UPB1: variants seen among roughly 807,000 people sequenced by gnomAD.
The protein encoded by UPB1 is beta-ureidopropionase 1.
UPB1 carries 40 observed loss-of-function variants against 49.1 expected under a neutral mutation model. The observed-to-expected ratio is 0.81, with a 90% CI of 0.63 to 1.06. The LOEUF (loss-of-function observed/expected upper bound fraction) is 1.06, where lower values mean the gene tolerates loss of function less well. UPB1 is among the 50% of genes least tolerant of loss of function. The pLI, the probability that UPB1 is intolerant of heterozygous loss-of-function variation, is 0.00. For missense variants in UPB1, 499 were observed against 505.9 expected, an observed-to-expected ratio of 0.99 and a Z score of 0.13; for synonymous variants, 207 against 198.2, an observed-to-expected ratio of 1.04 and a Z score of -0.38.
chr22:24,511,613 TATA>T (rs2044204555), intron 4 of UPB1, among the ~76,000 whole-genome samples: 2 of 96,732 alleles, frequency 2.1e-5, no homozygotes, highest in African/African-American at 3.7e-5. Context: ...TATATATATA[TATA>T]TATTTTTTTT....
In UPB1 at chr22:24,528,353, C is replaced by T. The variant is rs1418618655; in HGVS notation, c.*2559C>T. 1 of 152,208 alleles carries T rather than the reference C, an allele frequency of 6.6e-6. No homozygotes were observed. The highest frequency in any genetic ancestry group is 1.5e-5 in the Non-Finnish European group (1 of 68,056). 9.4% of individuals were successfully genotyped at this position (152,208 alleles called of 1,614,324 possible). A position where few individuals can be genotyped will look rare whatever the true frequency, so the allele number is the denominator to read the frequency against. On this transcript the variant is annotated 3_prime_UTR_variant, in exon 10 of 10. Coordinates refer to ENST00000326010, the MANE Select transcript of UPB1 (RefSeq NM_016327.3). ...AGGTCATTTCAAGGTTTAACTCATC[C>T]CTGGAACATGCAGATGCTCAGTAAA... is the stretch of plus-strand genomic sequence containing the variant.
chr22:24,518,465 A>C (rs1221522708), intron 6 of UPB1: 4 of 152,250 alleles, frequency 2.6e-5, no homozygotes, highest in Non-Finnish European at 5.9e-5. Flanking sequence ...TGGTTTATTA[A>C]GATGGTAGGA....
At chr22:24,498,274 A>G (rs76833164) in intron 1 of UPB1, among the ~76,000 whole-genome samples, 2,855 of 152,338 alleles carry the variant, frequency 0.019, 39 homozygotes, top group African/African-American at 0.029. Flanking sequence ...TGGGGCAGAC[A>G]TAAGCATTCA....
At chr22:24,516,601 G>C (rs2044298122) in intron 6 of UPB1, 2 of 152,278 alleles carry the variant, frequency 1.3e-5, no homozygotes, top group South Asian at 4.1e-4. Context: ...CAGGACAGGG[G>C]TGTGCCCTGT....
intron 3 of UPB1, among the ~76,000 whole-genome samples, chr22:24,505,913 A>G (rs1419041179): frequency 6.6e-6 from 1 of 151,340 alleles, no homozygotes; most frequent in African/African-American, 2.4e-5. Flanking sequence ...GGGTTTTGCC[A>G]TGTTGGCCAG....
chr22:24,502,596 A>G (rs1405390876), intron 3 of UPB1: 5 of 736,810 alleles, frequency 6.8e-6, no homozygotes, highest in Non-Finnish European at 1.3e-5. Flanking sequence ...ACATCCTGGT[A>G]GTATGTACCT....
In UPB1 at chr22:24,528,093, T is replaced by G. The variant is rs1283006977; in HGVS notation, c.*2299T>G. ...GAGATCACACCACTGCACTCCAGCT[T>G]GGCGACAGAGTGAGACTCCGTCTCA... On this transcript the variant is annotated 3_prime_UTR_variant, in exon 10 of 10. Transcript: ENST00000326010. The G allele has an allele frequency of 1.3e-5, 2 of 152,298 alleles. No individual in the cohort carries two copies. The highest frequency in any genetic ancestry group is 4.8e-5 in the African/African-American group (2 of 41,460). The allele number at this position is 152,298 out of a possible 1,614,324, so 9.4% of individuals were successfully genotyped here.
Position 24,502,124 on chromosome 22 carries a change from A to G in UPB1, c.277-2A>G, listed in dbSNP as rs202094164. 3.7e-6 allele frequency: 6 copies of G among 1,614,172 alleles called. No individual in the cohort carries two copies. The highest frequency in any genetic ancestry group is 5.1e-6 in the Non-Finnish European group (6 of 1,179,976). On this transcript the variant is annotated splice_acceptor_variant, in intron 2 of 9. Coordinates refer to ENST00000326010, the MANE Select transcript of UPB1 (RefSeq NM_016327.3). LOFTEE classifies it high-confidence loss of function. ...GGATTCTAATCCTTTTTAAATTCTC[A>G]GGTCTCTGCCCTTCATAGACGCATA...
At chr22:24,503,851 T>C (rs1054115259) in intron 3 of UPB1, 3 of 152,258 alleles carry the variant, frequency 2.0e-5, no homozygotes, top group African/African-American at 7.2e-5. Context: ...ATCTTTAAAC[T>C]TGTTTCCTAT....
chr22:24,505,195 C>A (rs1357817573), intron 3 of UPB1, among the ~76,000 whole-genome samples: 1 of 152,198 alleles, frequency 6.6e-6, no homozygotes, highest in Non-Finnish European at 1.5e-5. Context: ...GTTCTTGCAT[C>A]ATGGTTGCGA....
intron 3 of UPB1, among the ~76,000 whole-genome samples, chr22:24,509,809 CCAT>C (rs1283665983): frequency 6.6e-6 from 1 of 152,184 alleles, no homozygotes; most frequent in East Asian, 1.9e-4. Context: ...TGTTGTGCAA[CCAT>C]CATCACCATG....
intron 3 of UPB1, chr22:24,502,748 T>G: frequency 1.8e-6 from 1 of 548,886 alleles, no homozygotes; most frequent in South Asian, 2.5e-5. Flanking sequence ...TTGTTAGTGT[T>G]GCTACTTCCT....
intron 6 of UPB1, among the ~76,000 whole-genome samples, chr22:24,518,601 T>C (rs2044336711): frequency 6.6e-6 from 1 of 152,232 alleles, no homozygotes; most frequent in Non-Finnish European, 1.5e-5. Context: ...TTCTGGCACC[T>C]TCTGCCGCCT....
At chr22:24,517,371 C>T (rs893959755) in intron 6 of UPB1, among the ~76,000 whole-genome samples, 5 of 152,232 alleles carry the variant, frequency 3.3e-5, no homozygotes, top group Non-Finnish European at 7.3e-5. Flanking sequence ...CATCCAGCTA[C>T]CAGGCCTGGG....
At chr22:24,523,504 TG>T in intron 8 of UPB1, 114 bp from the exon 9 acceptor site, 2 of 1,487,264 alleles carry the variant, frequency 1.3e-6, no homozygotes, top group Non-Finnish European at 9.3e-7. Context: ...TGGCAGACAC[TG>T]GGGAGGATGG....
At chr22:24,504,850 CCTGAGTAG>C (rs2044059708) in intron 3 of UPB1, among the ~76,000 whole-genome samples, 1 of 150,472 alleles carries the variant, frequency 6.6e-6, no homozygotes, top group African/African-American at 2.4e-5. Context: ...GCCCCAGCCT[CCTGAGTAG>C]CTGGGACCAT....
chr22:24,511,423 G>A (rs549321844), intron 4 of UPB1, among the ~76,000 whole-genome samples: 12 of 152,094 alleles, frequency 7.9e-5, no homozygotes, highest in African/African-American at 2.4e-4. Context: ...CAAAGTTTCC[G>A]TTTAGGGTGA....
At chr22:24,514,598 A>G (rs1266331222) in intron 5 of UPB1, among the ~76,000 whole-genome samples, 2 of 152,182 alleles carry the variant, frequency 1.3e-5, no homozygotes, top group East Asian at 3.9e-4. Context: ...TTAGGAGCAG[A>G]CAGAGAAGCA....
chr22:24,523,240 G>A (rs2044426985), intron 8 of UPB1, among the ~76,000 whole-genome samples: 1 of 152,188 alleles, frequency 6.6e-6, no homozygotes, highest in African/African-American at 2.4e-5. Flanking sequence ...GGCCTGGAGG[G>A]AGGATAAGGG....
Sources: allele counts gnomAD v4.1 joint callset (sites outside exome capture counted in the v4.1 genomes callset), GRCh38; gene constraint gnomAD v4.1.1; transcripts MANE v1.5; gene names NCBI Gene and HGNC (gene_info 2026-07-23, HGNC 2026-07-21).